ELAVL2: variants seen among roughly 807,000 people sequenced by gnomAD.
ELAVL2 encodes ELAV like RNA binding protein 2.
A neutral mutation model predicts 34.6 loss-of-function variants in ELAVL2; 4 were observed. That is an observed-to-expected ratio of 0.12 (90% CI 0.06 to 0.26). The LOEUF (loss-of-function observed/expected upper bound fraction) is 0.26. Ranked by LOEUF, ELAVL2 falls within the 10% of genes least tolerant of loss-of-function variation. The pLI, the probability that ELAVL2 is intolerant of heterozygous loss-of-function variation, is 1.00. For missense variants in ELAVL2, 432 were observed against 442.8 expected, an observed-to-expected ratio of 0.98 and a Z score of 0.22; for synonymous variants, 193 against 154.8, an observed-to-expected ratio of 1.25 and a Z score of -1.83.
rs537375071 is a variant in ELAVL2, at chr9:23,819,708, G to A, written c.-16+6098C>T. 1.2e-3 allele frequency among the ~76,000 whole-genome samples: 176 copies of A among 152,258 alleles called. 2 individuals are homozygous for A. The highest frequency in any genetic ancestry group is 0.01 in the Middle Eastern group (3 of 294). The stretch of plus-strand genomic sequence containing the variant: ...AAGTTACCCAAATAACAGGCAACAA[G>A]GGGCTGGTTTTAACCACACAAAAAT... On this transcript the variant is annotated intron_variant, in intron 1 of 6. Coordinates refer to ENST00000397312, the MANE Select transcript of ELAVL2 (RefSeq NM_004432.5).
intron 3 of ELAVL2, among the ~76,000 whole-genome samples, chr9:23,706,866 T>A (rs1287545214): frequency 6.6e-6 from 1 of 152,142 alleles, no homozygotes. Flanking sequence ...CAGAAAAAAA[T>A]ATAAGCCACA....
chr9:23,766,216 T>C (rs2056227177), intron 1 of ELAVL2, among the ~76,000 whole-genome samples: 1 of 152,194 alleles, frequency 6.6e-6, no homozygotes, highest in South Asian at 2.1e-4. Flanking sequence ...TAACATACTT[T>C]TTTACAGGAA....
Position 23,813,899 on chromosome 9 carries a change from C to T in ELAVL2, c.-16+11907G>A, listed in dbSNP as rs1022781047. Among the ~76,000 whole-genome samples the T allele has an allele frequency of 4.6e-5, 7 of 152,242 alleles. No individual in the cohort carries two copies. The East Asian group carries it at 1.2e-3, about 25-fold the overall frequency. Reference sequence around the variant, plus strand: ...TCTTTACACTTAACTTTTTAATTCACGTGGCTTTAGGAAGTATAGCATTAG... The same window carrying T: ...TCTTTACACTTAACTTTTTAATTCATGTGGCTTTAGGAAGTATAGCATTAG... On this transcript the variant is annotated intron_variant, in intron 1 of 6. Coordinates refer to ENST00000397312, the MANE Select transcript of ELAVL2 (RefSeq NM_004432.5).
chr9:23,704,555 TTA>T (rs201498909), intron 4 of ELAVL2, among the ~76,000 whole-genome samples: 3,077 of 152,276 alleles, frequency 0.02, 50 homozygotes, highest in South Asian at 0.05. Flanking sequence ...TACCGCTGCA[TTA>T]AACTTCGCTT....
At chr9:23,845,395 CATTTT>C in the ELAVL2 span, among the ~76,000 whole-genome samples, 2 of 151,504 alleles carry the variant, frequency 1.3e-5, no homozygotes, top group African/African-American at 4.8e-5. Context: ...ATTATATAAA[CATTTT>C]ATTAGCTACT....
intron 2 of ELAVL2, among the ~76,000 whole-genome samples, chr9:23,754,322 T>C (rs953196291): frequency 6.6e-6 from 1 of 152,188 alleles, no homozygotes; most frequent in African/African-American, 2.4e-5. Context: ...AAAGGCTTCA[T>C]TACCACAGGT....
At position 23,706,673 on chromosome 9, in the gene ELAVL2, T is replaced by A. The variant is rs148043212; in HGVS notation, c.334-1602A>T. Among the ~76,000 whole-genome samples the A allele has an allele frequency of 5.3e-5, 8 of 152,354 alleles. No homozygotes were observed. In the East Asian group the frequency reaches 1.5e-3, roughly 29 times the overall value. ...GTCAATGTGTCTGGGATTGATTTGC[T>A]GAGGTAAAGTGATAACTACTGCCTG... On this transcript the variant is annotated intron_variant, in intron 3 of 6. Transcript: ENST00000397312.
chr9:23,808,098 T>A (rs2062481551), intron 1 of ELAVL2, among the ~76,000 whole-genome samples: 1 of 152,154 alleles, frequency 6.6e-6, no homozygotes, highest in Non-Finnish European at 1.5e-5. Context: ...TAGAGTTTAA[T>A]TTTAGGACCT....
At chr9:23,835,759 G>A in the ELAVL2 span, among the ~76,000 whole-genome samples, 1 of 152,098 alleles carries the variant, frequency 6.6e-6, no homozygotes, top group Non-Finnish European at 1.5e-5. Flanking sequence ...CTTTCAGTGA[G>A]TAAGTGAAAT....
intron 1 of ELAVL2, among the ~76,000 whole-genome samples, chr9:23,794,536 C>T (rs537044191): frequency 6.6e-5 from 10 of 152,278 alleles, no homozygotes; most frequent in South Asian, 2.1e-4. Flanking sequence ...CCCCATTTTT[C>T]AAATTCAAGG....
At chr9:23,832,154 A>G in the ELAVL2 span, 2 of 152,238 alleles carry the variant, frequency 1.3e-5, no homozygotes, top group African/African-American at 4.8e-5. Flanking sequence ...GTTACCATAA[A>G]TTGAAGTTAA....
At chr9:23,707,948 G>C (rs1238426865) in intron 3 of ELAVL2, among the ~76,000 whole-genome samples, 1 of 152,160 alleles carries the variant, frequency 6.6e-6, no homozygotes, top group African/African-American at 2.4e-5. Flanking sequence ...AGTGTAGGTG[G>C]TGTGTCTTAA....
At chr9:23,805,818 A>G (rs2062144878) in intron 1 of ELAVL2, among the ~76,000 whole-genome samples, 1 of 152,214 alleles carries the variant, frequency 6.6e-6, no homozygotes, top group African/African-American at 2.4e-5. Context: ...TATTCCTGGC[A>G]AACACAGTCA....
At chr9:23,840,133 A>G in the ELAVL2 span, among the ~76,000 whole-genome samples, 2 of 152,164 alleles carry the variant, frequency 1.3e-5, no homozygotes, top group Non-Finnish European at 2.9e-5. Context: ...TCTAAGCCTC[A>G]ACTTTCTCAT....
At chr9:23,703,084 T>C (rs939274401) in intron 4 of ELAVL2, among the ~76,000 whole-genome samples, 3 of 151,236 alleles carry the variant, frequency 2.0e-5, no homozygotes, top group African/African-American at 7.3e-5. Flanking sequence ...CAGTAGGTTC[T>C]GAATGAAGCC....
intron 1 of ELAVL2, among the ~76,000 whole-genome samples, chr9:23,816,814 A>G (rs531363315): frequency 5.9e-5 from 9 of 152,304 alleles, no homozygotes; most frequent in African/African-American, 1.9e-4. Context: ...TTGCCCAACT[A>G]TAACATAAAT....
chr9:23,708,694 G>A (rs1051089745), intron 3 of ELAVL2, among the ~76,000 whole-genome samples: 2 of 152,218 alleles, frequency 1.3e-5, no homozygotes, highest in African/African-American at 4.8e-5. Context: ...TCAGGCTGGA[G>A]TGCAGTGGGT....
chr9:23,794,083 G>A (rs1027790432), intron 1 of ELAVL2, among the ~76,000 whole-genome samples: 1 of 152,184 alleles, frequency 6.6e-6, no homozygotes, highest in African/African-American at 2.4e-5. Flanking sequence ...TCATCATTGT[G>A]ATCTAAATCA....
chr9:23,707,530 A>G (rs1345173348), intron 3 of ELAVL2, among the ~76,000 whole-genome samples: 5 of 152,168 alleles, frequency 3.3e-5, no homozygotes, highest in Admixed American at 2.0e-4. Context: ...CTAACTTCCA[A>G]TGACTGATCA....
Sources: gnomAD v4.1 joint callset for allele counts (sites outside exome capture counted in the v4.1 genomes callset) on GRCh38, gnomAD v4.1.1 for gene constraint, MANE v1.5 for transcripts, NCBI Gene and HGNC (gene_info 2026-07-23, HGNC 2026-07-21) for gene names.